Variants in ANO1 observed in about 807,000 individuals in gnomAD.
The protein encoded by ANO1 is anoctamin 1.
In ANO1, 59 loss-of-function variants were observed where a neutral mutation model predicts 124.0. The ratio of observed to expected loss-of-function variants is 0.48; its 90% CI spans 0.39 to 0.59. The LOEUF (loss-of-function observed/expected upper bound fraction) is 0.59. Ranked by LOEUF, ANO1 falls within the 20% of genes least tolerant of loss-of-function variation. The pLI, the probability that ANO1 is intolerant of heterozygous loss-of-function variation, is 0.00. For synonymous variants in ANO1, 529 were observed against 532.0 expected (o/e 0.99, Z 0.08); for missense variants, 1,059 against 1,328.0 (o/e 0.80, Z 3.15).
At chr11:70,145,678 T>G (rs113959599) in intron 11 of ANO1, among the ~76,000 whole-genome samples, 7,525 of 152,140 alleles carry the variant, frequency 0.049, 622 homozygotes, top group African/African-American at 0.17. Context: ...GGCTCATAAC[T>G]GTAATCCCAG....
In ANO1 at chr11:70,103,047, A is replaced by G. The variant is rs372431209; in HGVS notation, c.442-19A>G. 1.1e-3 allele frequency: 1,757 copies of G among 1,590,512 alleles called. 32 individuals are homozygous for G. The South Asian group carries it at 0.016, about 15-fold the overall frequency. On this transcript the variant is annotated intron_variant, in intron 2 of 25. Transcript: ENST00000355303. ...ATGCACCGCCCCCCCTCAACCCAGA[A>G]CTTTCCTTCTCTCTCCAGACTAAAA...
intron 1 of ANO1, among the ~76,000 whole-genome samples, chr11:70,052,862 T>G (rs2135087245): frequency 6.6e-6 from 1 of 152,274 alleles, no homozygotes; most frequent in Non-Finnish European, 1.5e-5. Flanking sequence ...TTGGAGAGAA[T>G]TAATGGTTAT....
At chr11:70,107,601 A>G (rs2045609220) in intron 5 of ANO1, among the ~76,000 whole-genome samples, 2 of 152,102 alleles carry the variant, frequency 1.3e-5, no homozygotes, top group Admixed American at 6.5e-5. Context: ...GCACGTCTGC[A>G]TAGCACGACC....
chr11:70,061,104 G>A (rs151272801), intron 1 of ANO1, among the ~76,000 whole-genome samples: 8 of 152,170 alleles, frequency 5.3e-5, no homozygotes, highest in Admixed American at 1.3e-4. Context: ...TTAACTGAAC[G>A]TGCAGGAAGG....
intron 1 of ANO1, among the ~76,000 whole-genome samples, chr11:70,045,445 G>A (rs566344118): frequency 1.7e-4 from 26 of 152,212 alleles, no homozygotes; most frequent in African/African-American, 6.3e-4. Context: ...TGAAGAATAC[G>A]TTTTCTTGAG....
intron 1 of ANO1, among the ~76,000 whole-genome samples, chr11:69,990,499 G>T (rs55764477): frequency 0.14 from 21,738 of 152,158 alleles, 1,650 homozygotes; most frequent in African/African-American, 0.17. Context: ...AATTTCTGAG[G>T]TATATACCTA....
In ANO1 at chr11:70,019,247, A is replaced by G. The variant is rs4997355; in HGVS notation, c.58+33081A>G. On this transcript the variant is annotated intron_variant, in intron 1 of 27. Coordinates refer to the ANO1 transcript ENST00000531349. ...GGGAGGGAAAGAAGAACCCCCCCAC[A>G]CACACACACACACACATTCACTCCC... Among the ~76,000 whole-genome samples, 12 of 102,888 alleles carry G rather than the reference A, an allele frequency of 1.2e-4. No individual in the cohort carries two copies. The South Asian group carries it at 1.7e-3, about 14-fold the overall frequency. The allele number at this position is 102,888 out of a possible 152,430, so 67.5% of individuals were successfully genotyped here. A position where few individuals can be genotyped will look rare whatever the true frequency, so the allele number is the denominator to read the frequency against.
the ANO1 span, among the ~76,000 whole-genome samples, chr11:69,969,907 A>G: frequency 6.6e-5 from 10 of 152,294 alleles, no homozygotes; most frequent in East Asian, 1.9e-3. Flanking sequence ...AGATCATGCC[A>G]CTGCACTCCA....
At chr11:70,041,623 T>C (rs2135057798) in intron 1 of ANO1, among the ~76,000 whole-genome samples, 1 of 152,020 alleles carries the variant, frequency 6.6e-6, no homozygotes, top group African/African-American at 2.4e-5. Context: ...GGTATTCGTG[T>C]AAGCACCACA....
chr11:70,138,506 C>CAAAAAA (rs564343150), intron 11 of ANO1, among the ~76,000 whole-genome samples: 1 of 125,980 alleles, frequency 7.9e-6, no homozygotes. Flanking sequence ...AAGTCCGTCT[C>CAAAAAA]AAAAAAAAAA....
intron 1 of ANO1, among the ~76,000 whole-genome samples, chr11:70,034,481 T>C (rs1857060446): frequency 6.6e-6 from 1 of 152,150 alleles, no homozygotes; most frequent in African/African-American, 2.4e-5. Context: ...CAACCTTTCT[T>C]CTTTCATGAT....
At chr11:70,030,992 TGG>T (rs1174049079) in intron 1 of ANO1, among the ~76,000 whole-genome samples, 1 of 152,258 alleles carries the variant, frequency 6.6e-6, no homozygotes, top group Non-Finnish European at 1.5e-5. Flanking sequence ...TCATCCAGGC[TGG>T]AGTGCAGTGG....
intron 14 of ANO1, among the ~76,000 whole-genome samples, chr11:70,154,460 C>CTTT (rs35077245): frequency 0.015 from 1,257 of 84,126 alleles, 28 homozygotes; most frequent in Non-Finnish European, 0.017. Flanking sequence ...GGAAGTATGT[C>CTTT]TTTTTTTTTT....
At chr11:69,993,253 T>A (rs2131241) in intron 1 of ANO1, among the ~76,000 whole-genome samples, 36,747 of 152,136 alleles carry the variant, frequency 0.24, 4,507 homozygotes, top group Non-Finnish European at 0.25. Context: ...CTTTTACACT[T>A]AATCAGAATT....
At chr11:70,006,495 C>A (rs118074466) in intron 1 of ANO1, among the ~76,000 whole-genome samples, 1,680 of 152,210 alleles carry the variant, frequency 0.011, 16 homozygotes, top group Non-Finnish European at 0.014. Context: ...CACACAGACC[C>A]TGGCCTACAA....
chr11:70,169,861 G>A, intron 21 of ANO1: 1 of 231,140 alleles, frequency 4.3e-6, no homozygotes, highest in Non-Finnish European at 8.8e-6. Context: ...CATTCTGCTG[G>A]CTTCCTTGTT....
chr11:70,134,675 C>A (rs2046885508), intron 11 of ANO1, among the ~76,000 whole-genome samples: 1 of 152,188 alleles, frequency 6.6e-6, no homozygotes, highest in Non-Finnish European at 1.5e-5. Flanking sequence ...TGTGTCCCAC[C>A]TGCATGAGGA....
chr11:70,006,285 T>C (rs1555000014), intron 1 of ANO1, among the ~76,000 whole-genome samples: 1 of 152,232 alleles, frequency 6.6e-6, no homozygotes, highest in African/African-American at 2.4e-5. Context: ...GTTCCCATTG[T>C]CAACCTGGTT....
intron 24 of ANO1, among the ~76,000 whole-genome samples, chr11:70,184,938 G>C (rs1432770515): frequency 6.6e-6 from 1 of 152,106 alleles, no homozygotes; most frequent in Non-Finnish European, 1.5e-5. Flanking sequence ...GCAGAGACAG[G>C]GTTTTACTGT....
Sources: gnomAD v4.1 joint callset for allele counts (sites outside exome capture counted in the v4.1 genomes callset) on GRCh38, gnomAD v4.1.1 for gene constraint, MANE v1.5 for transcripts, NCBI Gene and HGNC (gene_info 2026-07-23, HGNC 2026-07-21) for gene names.